The following MLF1 variants were observed in gnomAD, a reference collection of about 807,000 sequenced individuals.
The protein encoded by MLF1 is myeloid leukemia factor 1.
In MLF1, 37 loss-of-function variants were observed where a neutral mutation model predicts 38.3. That is an observed-to-expected ratio of 0.96 (90% confidence interval 0.74 to 1.27). The LOEUF (loss-of-function observed/expected upper bound fraction) is 1.27. MLF1 is among the 50% of genes most tolerant of loss of function. The pLI is 0.00. For synonymous variants in MLF1, 95 were observed against 106.5 expected, an observed-to-expected ratio of 0.89 and a Z score of 0.66; for missense variants, 331 against 349.2, an observed-to-expected ratio of 0.95 and a Z score of 0.42.
chr3:158,603,558 C>G (rs1485811239), intron 7 of MLF1, among the ~76,000 whole-genome samples: 3 of 152,194 alleles, frequency 2.0e-5, no homozygotes, highest in Non-Finnish European at 2.9e-5. Context: ...AGATTTCTGT[C>G]TGGACATGGT....
intron 6 of MLF1, among the ~76,000 whole-genome samples, 164 bp downstream of exon 6, chr3:158,600,337 G>A (rs370502662): frequency 4.0e-5 from 6 of 151,748 alleles, no homozygotes; most frequent in African/African-American, 1.5e-4. Context: ...CCTTTCATAG[G>A]AGAGCTCTTT....
chr3:158,598,468 T>G (rs1331042364), intron 5 of MLF1, among the ~76,000 whole-genome samples: 1 of 150,352 alleles, frequency 6.7e-6, no homozygotes, highest in Non-Finnish European at 1.5e-5. Context: ...TCTATGGATG[T>G]TTATTACCTT....
chr3:158,596,223 T>C (rs1227557130), intron 3 of MLF1, among the ~76,000 whole-genome samples: 3 of 151,938 alleles, frequency 2.0e-5, no homozygotes, highest in Non-Finnish European at 2.9e-5. Flanking sequence ...AACTACTGTT[T>C]AGAGGAATTC....
intron 7 of MLF1, 66 bp downstream of exon 7, chr3:158,603,005 C>T (rs1720025157): frequency 7.0e-7 from 1 of 1,422,936 alleles, no homozygotes. Flanking sequence ...ATGTAATTTA[C>T]TTCTGTTATC....
chr3:158,590,049 A>C (rs1173531025), intron 1 of MLF1, among the ~76,000 whole-genome samples: 1 of 152,232 alleles, frequency 6.6e-6, no homozygotes. Context: ...CTGAAGACCT[A>C]ACAAAGATTC....
chr3:158,588,089 A>T (rs1717520379), intron 1 of MLF1, among the ~76,000 whole-genome samples: 1 of 152,216 alleles, frequency 6.6e-6, no homozygotes, highest in South Asian at 2.1e-4. Context: ...GGAAAGAGCT[A>T]CCATGATGTA....
At chr3:158,589,105 ATAGT>A (rs1436770805) in intron 1 of MLF1, among the ~76,000 whole-genome samples, 1 of 152,242 alleles carries the variant, frequency 6.6e-6, no homozygotes, top group Admixed American at 6.5e-5. Context: ...TTAATTAAGA[ATAGT>A]TAGTAATTTT....
rs537875490 is a variant in MLF1 at position 158,584,753 on chromosome 3, G to A, written c.48-7681G>A. Among the ~76,000 whole-genome samples, 4 of 151,376 alleles carry A rather than the reference G, an allele frequency of 2.6e-5. No individual in the cohort carries two copies. In the East Asian group the frequency reaches 5.8e-4, roughly 22 times the overall value. ...TACCAATAGAAAGTCTAACAGGGAT[G>A]TCCAATCTTTTGGCTTCTCTGTACC... On this transcript the variant is annotated intron_variant, in intron 1 of 7. Coordinates refer to ENST00000466246, the MANE Select transcript of MLF1 (RefSeq NM_001369783.1).
chr3:158,594,828 C>G (rs1718655541), intron 3 of MLF1, among the ~76,000 whole-genome samples: 1 of 152,082 alleles, frequency 6.6e-6, no homozygotes, highest in African/African-American at 2.4e-5. Flanking sequence ...GGCATTGATT[C>G]AGTACAGATA....
intron 1 of MLF1, among the ~76,000 whole-genome samples, chr3:158,574,100 A>G (rs1489018335): frequency 6.6e-6 from 1 of 152,152 alleles, no homozygotes; most frequent in Non-Finnish European, 1.5e-5. Context: ...CACCTAGCCA[A>G]TGTTGTTGTT....
chr3:158,572,588 G>A (rs1714671811), intron 1 of MLF1, among the ~76,000 whole-genome samples: 1 of 141,598 alleles, frequency 7.1e-6, no homozygotes, highest in Non-Finnish European at 1.5e-5. Flanking sequence ...TGGGAGGAGG[G>A]TTGAGGGCGT....
At chr3:158,583,022 T>C (rs1716652097) in intron 1 of MLF1, 1 of 551,646 alleles carries the variant, frequency 1.8e-6, no homozygotes, top group Admixed American at 3.5e-5. Flanking sequence ...ATTTAATGGA[T>C]TGAATGCCAA....
At chr3:158,602,538 G>A (rs1020398092) in intron 6 of MLF1, among the ~76,000 whole-genome samples, 1 of 152,140 alleles carries the variant, frequency 6.6e-6, no homozygotes, top group African/African-American at 2.4e-5. Context: ...AATTAGGTCA[G>A]CTGGTCCATT....
chr3:158,580,129 A>G (rs183664878), intron 1 of MLF1, among the ~76,000 whole-genome samples: 1 of 152,194 alleles, frequency 6.6e-6, no homozygotes, highest in Admixed American at 6.5e-5. Flanking sequence ...ACCTTCAAAT[A>G]AAAAGTAGAG....
At chr3:158,601,549 G>A (rs1264130923) in intron 6 of MLF1, among the ~76,000 whole-genome samples, 5 of 149,270 alleles carry the variant, frequency 3.3e-5, no homozygotes, top group Admixed American at 6.7e-5. Flanking sequence ...CAGCCTGGGC[G>A]ACAGAGCGAG....
intron 3 of MLF1, among the ~76,000 whole-genome samples, chr3:158,595,899 G>C (rs6791259): frequency 6.6e-6 from 1 of 152,058 alleles, no homozygotes; most frequent in Admixed American, 6.6e-5. Context: ...TAACACATTG[G>C]AATGTGTGCC....
rs867309513 is a variant in MLF1 at position 158,602,905 on chromosome 3, C to T, written c.712C>T (p.His238Tyr). The T allele has an allele frequency of 2.5e-6, 4 of 1,613,502 alleles. No homozygotes were observed. The highest frequency in any genetic ancestry group is 2.5e-6 in the Non-Finnish European group (3 of 1,179,762). The change falls in exon 7 of 8, where the codon CAT (histidine) becomes TAT (tyrosine). Residue 238 changes from histidine (H) to tyrosine (Y), a missense_variant. Coordinates refer to ENST00000466246, the MANE Select transcript of MLF1 (RefSeq NM_001369783.1). ...AAACACTAGAATGAGAAGTGTTGGCCATGAGAATCCTGGCTCCCGAGAACT... is the reference window on the plus strand; with the variant it reads ...AAACACTAGAATGAGAAGTGTTGGCTATGAGAATCCTGGCTCCCGAGAACT... Reference protein sequence around the residue: ...LGNTRMRSVGHENPGSRELKR... With the variant: ...LGNTRMRSVGYENPGSRELKR...
intron 7 of MLF1, among the ~76,000 whole-genome samples, chr3:158,604,136 G>C (rs1178846292): frequency 6.6e-6 from 1 of 152,158 alleles, no homozygotes; most frequent in African/African-American, 2.4e-5. Context: ...TAAAATACTT[G>C]TTTAGGAATT....
intron 3 of MLF1, among the ~76,000 whole-genome samples, chr3:158,594,411 A>G (rs557508419): frequency 6.6e-6 from 1 of 152,290 alleles, no homozygotes; most frequent in East Asian, 1.9e-4. Context: ...GCCCTGGAGT[A>G]TGAGTTGAAC....
Sources: gnomAD v4.1 joint callset for allele counts (sites outside exome capture counted in the v4.1 genomes callset) on GRCh38, gnomAD v4.1.1 for gene constraint, MANE v1.5 for transcripts, NCBI Gene and HGNC (gene_info 2026-07-23, HGNC 2026-07-21) for gene names.